The following FUT8 variants were observed in gnomAD, a reference collection of about 807,000 sequenced individuals.
FUT8 encodes alpha-(1,6)-fucosyltransferase.
Under a neutral mutation model 71.3 loss-of-function variants are expected in FUT8, and 29 were observed. The observed-to-expected ratio is 0.41, with a 90% CI of 0.30 to 0.55. The LOEUF is 0.55. Among genes scored for constraint, FUT8 ranks in the 20% least tolerant of loss-of-function variants. FUT8 has a pLI of 0.34. For missense variants in FUT8, 544 were observed against 702.1 expected, an observed-to-expected ratio of 0.77 and a Z score of 2.55; for synonymous variants, 254 against 239.3, an observed-to-expected ratio of 1.06 and a Z score of -0.57.
chr14:65,688,771 G>A (rs1252454047), intron 7 of FUT8, among the ~76,000 whole-genome samples: 4 of 152,126 alleles, frequency 2.6e-5, no homozygotes, highest in Admixed American at 2.6e-4. Context: ...GTTTAGCTTT[G>A]TAAGAAACTG....
chr14:65,393,845 A>G, the FUT8 span, among the ~76,000 whole-genome samples: 5 of 152,218 alleles, frequency 3.3e-5, no homozygotes, highest in Admixed American at 6.5e-5. Flanking sequence ...ATGGACTCAC[A>G]GTTCCATGTG....
At chr14:65,542,469 T>C (rs1449412603) in intron 2 of FUT8, among the ~76,000 whole-genome samples, 1 of 152,218 alleles carries the variant, frequency 6.6e-6, no homozygotes, top group African/African-American at 2.4e-5. Context: ...TACCATAATT[T>C]ATTTGTTTCC....
chr14:65,549,344 T>C (rs1303860838), intron 2 of FUT8, among the ~76,000 whole-genome samples: 2 of 152,088 alleles, frequency 1.3e-5, no homozygotes, highest in Non-Finnish European at 2.9e-5. Context: ...AAAAAGATGT[T>C]GTCCCATTGT....
rs2065885587 is a variant in FUT8 at position 65,455,646 on chromosome 14, C to T, written c.-300C>T. 1 of 398,204 alleles carries T rather than the reference C, an allele frequency of 2.5e-6. No individual in the cohort carries two copies. Among genetic ancestry groups the T allele is most frequent in the Non-Finnish European group, 4.4e-6 (1 of 225,928 alleles). The allele number at this position is 398,204 out of a possible 1,614,324, so 24.7% of individuals were successfully genotyped here. ...GTTGCTGCTTTTGCTCAGAGGACAT[C>T]CATGACCCTAATGGTCTTTTTGTTC... On this transcript the variant is annotated 5_prime_UTR_variant, in exon 2 of 11. Transcript: ENST00000673929.
In FUT8 at chr14:65,614,886, T is replaced by G. The variant is rs189181053; in HGVS notation, c.204-1092T>G. ...GACCTTTGTTTAGCCTACCACGAAATTGTATTATGTACATCAAAGTGGAGT... is the reference window on the plus strand; with the variant it reads ...GACCTTTGTTTAGCCTACCACGAAAGTGTATTATGTACATCAAAGTGGAGT... On this transcript the variant is annotated intron_variant, in intron 3 of 10. Transcript: ENST00000673929. Among the ~76,000 whole-genome samples, 397 of 152,298 alleles carry G rather than the reference T, an allele frequency of 2.6e-3. 5 individuals are homozygous for G. Among genetic ancestry groups the G allele is most frequent in the African/African-American group, 9.0e-3 (376 of 41,556 alleles).
the FUT8 span, among the ~76,000 whole-genome samples, chr14:65,392,532 A>C: frequency 2.6e-5 from 4 of 152,048 alleles, no homozygotes; most frequent in Non-Finnish European, 4.4e-5. Flanking sequence ...CCAGTGCAGC[A>C]AGTAGGTAGT....
chr14:65,434,795 T>C (rs920255513), intron 1 of FUT8, among the ~76,000 whole-genome samples: 2 of 152,218 alleles, frequency 1.3e-5, no homozygotes, highest in Admixed American at 1.3e-4. Flanking sequence ...ACCTTTTTTT[T>C]CTTTTATCCC....
intron 6 of FUT8, among the ~76,000 whole-genome samples, chr14:65,661,457 ATAT>A (rs1891960862): frequency 6.6e-6 from 1 of 152,132 alleles, no homozygotes; most frequent in African/African-American, 2.4e-5. Context: ...GCAGCTGGAG[ATAT>A]TATGTCCAGT....
chr14:65,721,434 A>C (rs1895408998), intron 7 of FUT8, among the ~76,000 whole-genome samples: 1 of 152,222 alleles, frequency 6.6e-6, no homozygotes, highest in Admixed American at 6.5e-5. Context: ...CCAAAACAAC[A>C]ACAAAAAATA....
At chr14:65,739,500 G>C (rs1896385416) in intron 10 of FUT8, among the ~76,000 whole-genome samples, 1 of 152,094 alleles carries the variant, frequency 6.6e-6, no homozygotes, top group Admixed American at 6.6e-5. Context: ...GTGTGGGACA[G>C]GGTGCGATGT....
rs1222548801 is a variant in FUT8, at chr14:65,554,083, CT to C, written c.-227-7253del. ...ATACTACAGCTTTAAAATTCCTATT[CT>C]GTTTTTTAAAAATTTCAATCTGTTT... On this transcript the variant is annotated intron_variant, in intron 2 of 10. Coordinates refer to ENST00000673929, the MANE Select transcript of FUT8 (RefSeq NM_001371533.1). Among the ~76,000 whole-genome samples, 3 of 151,942 alleles carry C rather than the reference CT, an allele frequency of 2.0e-5. No individual in the cohort carries two copies. The East Asian group carries it at 5.8e-4, about 29-fold the overall frequency.
rs1220923444 is a variant in FUT8 at position 65,512,868 on chromosome 14, A to G, written c.-227-48469A>G. On this transcript the variant is annotated intron_variant, in intron 2 of 10. Coordinates refer to ENST00000673929, the MANE Select transcript of FUT8 (RefSeq NM_001371533.1). Reference sequence around the variant, plus strand: ...GGTTGCAGTGAGCCGACATCACGCCACTGCACTCCAGCCTGGGCGACAGAG... The same window carrying G: ...GGTTGCAGTGAGCCGACATCACGCCGCTGCACTCCAGCCTGGGCGACAGAG... Among the ~76,000 whole-genome samples the G allele has an allele frequency of 4.7e-5, 7 of 147,380 alleles. No homozygotes were observed. In the South Asian group the frequency reaches 1.5e-3, roughly 32 times the overall value.
chr14:65,463,420 C>T (rs2139593326), intron 2 of FUT8, among the ~76,000 whole-genome samples: 1 of 152,172 alleles, frequency 6.6e-6, no homozygotes. Flanking sequence ...GTGCACACCA[C>T]CATGCCTGGC....
At chr14:65,362,490 A>G in the FUT8 span, among the ~76,000 whole-genome samples, 1 of 152,094 alleles carries the variant, frequency 6.6e-6, no homozygotes, top group Non-Finnish European at 1.5e-5. Flanking sequence ...AGCCTGGGCA[A>G]TATAGCAAGA....
At chr14:65,681,343 C>G (rs143384630) in intron 7 of FUT8, among the ~76,000 whole-genome samples, 1 of 152,174 alleles carries the variant, frequency 6.6e-6, no homozygotes, top group African/African-American at 2.4e-5. Context: ...TGGTGAAGAG[C>G]AAATGAAGTA....
intron 7 of FUT8, 87 bp from the exon 8 acceptor site, chr14:65,721,688 A>G (rs1279253601): frequency 1.1e-5 from 14 of 1,301,420 alleles, no homozygotes; most frequent in Non-Finnish European, 1.5e-5. Context: ...TGCTGTGAGG[A>G]TGAAAGCACT....
Position 65,603,929 on chromosome 14 carries a change from G to A in FUT8, c.204-12049G>A, listed in dbSNP as rs1888437154. ...TGGAAAAAGACATTTCATGCAAATG[G>A]ACACCCAAAGCGAGCAGGAGTAGCT... On this transcript the variant is annotated intron_variant, in intron 3 of 10. Coordinates refer to ENST00000673929, the MANE Select transcript of FUT8 (RefSeq NM_001371533.1). The surrounding 1 kb of genome is among the most constrained non-coding windows in gnomAD (Gnocchi z 4.5). Among the ~76,000 whole-genome samples the A allele has an allele frequency of 6.6e-6, 1 of 151,574 alleles. No individual in the cohort carries two copies. The highest frequency in any genetic ancestry group is 2.4e-5 in the African/African-American group (1 of 41,336).
chr14:65,495,435 T>A (rs1278941416), intron 2 of FUT8, among the ~76,000 whole-genome samples: 1 of 152,162 alleles, frequency 6.6e-6, no homozygotes, highest in Non-Finnish European at 1.5e-5. Flanking sequence ...GTAGTAGTAC[T>A]GGATATTTTG....
At chr14:65,406,922 T>C (rs767372661), upstream of FUT8, among the ~76,000 whole-genome samples, 3 of 152,204 alleles carry the variant, frequency 2.0e-5, no homozygotes, top group Non-Finnish European at 4.4e-5. Context: ...TATGATTTGA[T>C]TGGATCCTGC....
Sources: allele counts gnomAD v4.1 joint callset (sites outside exome capture counted in the v4.1 genomes callset), GRCh38; gene constraint gnomAD v4.1.1; non-coding constraint Gnocchi (gnomAD v3.1); transcripts MANE v1.5; gene names NCBI Gene and HGNC (gene_info 2026-07-23, HGNC 2026-07-21).